MGAM: variants seen among roughly 807,000 people sequenced by gnomAD.
MGAM encodes the protein maltase-glucoamylase, also known as alpha-1,4-glucosidase.
In MGAM, 253 loss-of-function variants were observed where a neutral mutation model predicts 358.8. The ratio of observed to expected loss-of-function variants is 0.71; its 90% confidence interval spans 0.64 to 0.78. MGAM has a LOEUF of 0.78. Ranked by LOEUF, MGAM falls within the 30% of genes least tolerant of loss-of-function variation. The pLI is 0.00. For synonymous variants in MGAM, 1,105 were observed against 1,227.1 expected (o/e 0.90, Z 2.08); for missense variants, 3,080 against 3,432.6 (o/e 0.90, Z 2.57).
chr7:142,047,724 C>T (rs1278458780), intron 21 of MGAM, 61 bp from the exon 22 acceptor site: 2 of 1,458,266 alleles, frequency 1.4e-6, no homozygotes, highest in Non-Finnish European at 1.9e-6. Flanking sequence ...GAAATATTCT[C>T]AGCTCGGCTG....
chr7:142,042,109 A>C (rs1402603827), intron 21 of MGAM, among the ~76,000 whole-genome samples: 2 of 75,160 alleles, frequency 2.7e-5, no homozygotes, highest in Non-Finnish European at 4.6e-5. Context: ...TACATATAAT[A>C]TATAATATAT....
At chr7:142,036,695 G>GT (rs1393829374) in intron 17 of MGAM, 128 bp from the exon 18 acceptor site, 12 of 1,014,286 alleles carry the variant, frequency 1.2e-5, no homozygotes, top group Non-Finnish European at 1.7e-5. Flanking sequence ...CAGAAGCGAG[G>GT]TTTGCAACCT....
chr7:142,070,762 A>C (rs1220434909), intron 43 of MGAM, among the ~76,000 whole-genome samples: 1 of 146,218 alleles, frequency 6.8e-6, no homozygotes, highest in East Asian at 2.0e-4. Context: ...CATCAGGCAA[A>C]TGTAGTTTGT....
At chr7:142,064,572 A>T (rs758316405) in intron 37 of MGAM, 50 bp downstream of exon 37, 31 of 1,548,328 alleles carry the variant, frequency 2.0e-5, no homozygotes, top group Non-Finnish European at 7.9e-6. Context: ...AGCGATTGCC[A>T]GTGACTGACA....
intron 21 of MGAM, among the ~76,000 whole-genome samples, chr7:142,045,751 T>G (rs1394688202): frequency 1.7e-5 from 2 of 115,046 alleles, no homozygotes; most frequent in African/African-American, 7.5e-5. Context: ...ATATAATATA[T>G]ATCATATATA....
Position 142,099,680 on chromosome 7 carries a change from A to G in MGAM, c.7817A>G (p.His2606Arg). ...GCCCCTCTTGACCACATTAATCTTC[A>G]TGTCCGTGGGGGCTACATCCTGCCC... ...LPAPLDHINLHVRGGYILPWQ... is the reference protein window; with the variant it reads ...LPAPLDHINLRVRGGYILPWQ... The change falls in exon 67 of 71, where the codon CAT becomes CGT. Residue 2606 changes from histidine (H) to arginine (R), a missense_variant. By Grantham distance (29) the His-to-Arg change is conservative. Coordinates refer to ENST00000475668, the MANE Select transcript of MGAM (RefSeq NM_001365693.1). The G allele has an allele frequency of 1.2e-6, 2 of 1,613,964 alleles. No homozygotes were observed. The highest frequency in any genetic ancestry group is 1.7e-6 in the Non-Finnish European group (2 of 1,179,866).
chr7:142,043,974 C>T (rs1294554678), intron 21 of MGAM, among the ~76,000 whole-genome samples: 4 of 115,662 alleles, frequency 3.5e-5, no homozygotes, highest in Non-Finnish European at 6.5e-5. Context: ...ACACATACGA[C>T]GTATAATATA....
At chr7:142,061,206 C>A (rs1007860728) in intron 34 of MGAM, among the ~76,000 whole-genome samples, 2 of 152,144 alleles carry the variant, frequency 1.3e-5, no homozygotes, top group African/African-American at 4.8e-5. Flanking sequence ...AAGTTCCTAC[C>A]TCACGGCTGG....
At chr7:142,038,940 T>C (rs540019732) in intron 19 of MGAM, among the ~76,000 whole-genome samples, 3 of 152,226 alleles carry the variant, frequency 2.0e-5, no homozygotes, top group African/African-American at 4.8e-5. Context: ...AGAGATTTCA[T>C]TGGCTCACAG....
rs778593501 is a variant in MGAM, at chr7:142,058,270, A to G, written c.3761A>G (p.Gln1254Arg). 2 of 1,613,888 alleles carry G rather than the reference A, an allele frequency of 1.2e-6. No individual in the cohort carries two copies. The highest frequency in any genetic ancestry group is 2.2e-5 in the East Asian group (1 of 44,898). The change falls in exon 31 of 71, where the codon CAG (glutamine) becomes CGG (arginine). Residue 1254 changes from glutamine to arginine, a missense_variant. Around this residue, in one of 5 missense-constraint regions of MGAM, gnomAD observed 1,816 missense variants for 1,840.5 expected, o/e 0.99. Coordinates refer to ENST00000475668, the MANE Select transcript of MGAM (RefSeq NM_001365693.1). ...TTCCAGCTGTGTCGCTATGGCTACC[A>G]GAATGACTCTGAGATCGCCAGCTTG... The part of the protein sequence containing the change: ...LGFQLCRYGY[Q>R]NDSEIASLYD...
At chr7:142,045,993 C>A (rs374355293) in intron 21 of MGAM, among the ~76,000 whole-genome samples, 12 of 116,644 alleles carry the variant, frequency 1.0e-4, no homozygotes, top group African/African-American at 4.1e-4. Context: ...TGTATACATA[C>A]AATATGTAAT....
intron 22 of MGAM, among the ~76,000 whole-genome samples, chr7:142,049,627 A>T (rs1223196954): frequency 2.6e-5 from 4 of 152,216 alleles, no homozygotes; most frequent in Non-Finnish European, 5.9e-5. Context: ...CCAATTAAAA[A>T]GTGGGTGAAG....
intron 24 of MGAM, among the ~76,000 whole-genome samples, chr7:142,051,755 C>T (rs558403637): frequency 2.0e-5 from 3 of 151,946 alleles, no homozygotes; most frequent in African/African-American, 7.3e-5. Flanking sequence ...ATGCCTGAAT[C>T]AACATATTTC....
In MGAM at chr7:142,076,301, A is replaced by G. The variant is rs544567065; in HGVS notation, c.5325+49A>G. On this transcript the variant is annotated intron_variant, in intron 46 of 70. Coordinates refer to ENST00000475668, the MANE Select transcript of MGAM (RefSeq NM_001365693.1). ...CTTAGGTGTGGGCTTTGGACTGACC[A>G]TTAGCACATCTGTGCTTGTGTATAT... 146 of 1,401,282 alleles carry G rather than the reference A, an allele frequency of 1.0e-4. 25 individuals carry two copies. The highest frequency in any genetic ancestry group is 1.4e-4 in the Non-Finnish European group (140 of 996,504). The allele number at this position is 1,401,282 out of a possible 1,614,324, so 86.8% of individuals were successfully genotyped here.
chr7:142,043,749 A>ATGT (rs1377832919), intron 21 of MGAM, among the ~76,000 whole-genome samples: 4 of 79,306 alleles, frequency 5.0e-5, no homozygotes, highest in Admixed American at 1.7e-4. Context: ...CATTATATAC[A>ATGT]CATACGACAT....
Position 142,082,050 on chromosome 7 carries a change from C to T in MGAM, c.6011C>T (p.Ser2004Phe), listed in dbSNP as rs752007340. Residue 2004 changes from serine (S) to phenylalanine (F), a missense_variant, in exon 51 of 71, where the codon TCT becomes TTT. Around this residue, in one of 5 missense-constraint regions of MGAM, gnomAD observed 932 missense variants for 1,198.2 expected, o/e 0.78. Transcript: ENST00000475668. ...GCCTTTTTGTGTTTCAGTTGGGACTCTCAGCTCCTTGGCTTCACCTTCAAT... is the reference window on the plus strand; with the variant it reads ...GCCTTTTTGTGTTTCAGTTGGGACTTTCAGCTCCTTGGCTTCACCTTCAAT... ...RKSTGTIIWDSQLLGFTFNDM... is the reference protein window; with the variant it reads ...RKSTGTIIWDFQLLGFTFNDM... 1.3e-6 allele frequency: 2 copies of T among 1,555,352 alleles called. No homozygotes were observed. The highest frequency in any genetic ancestry group is 2.7e-5 in the African/African-American group (2 of 74,512).
chr7:141,995,198 T>G (rs1804137683), upstream of MGAM, among the ~76,000 whole-genome samples: 1 of 150,340 alleles, frequency 6.7e-6, no homozygotes, highest in Admixed American at 6.6e-5. Flanking sequence ...ACTAAATCCC[T>G]CTCATAGGTT....
At chr7:142,056,788 T>C in intron 29 of MGAM, 42 bp from the exon 30 acceptor site, 2 of 1,596,234 alleles carry the variant, frequency 1.3e-6, no homozygotes, top group Non-Finnish European at 1.7e-6. Flanking sequence ...ATTCGTGACA[T>C]GGAAGGTGTC....
intron 19 of MGAM, among the ~76,000 whole-genome samples, chr7:142,039,136 C>G (rs1299255269): frequency 3.6e-5 from 5 of 139,870 alleles, no homozygotes; most frequent in African/African-American, 1.4e-4. Flanking sequence ...GATGGAGTCT[C>G]ACTCTGTCAC....
Sources: gnomAD v4.1 joint callset for allele counts (sites outside exome capture counted in the v4.1 genomes callset) on GRCh38, gnomAD v4.1.1 for gene constraint, gnomAD v4.1.1 regional missense constraint, MANE v1.5 for transcripts, NCBI Gene and HGNC (gene_info 2026-07-23, HGNC 2026-07-21) for gene names.